Variants in OPCML observed in about 807,000 individuals in gnomAD.
OPCML encodes opioid-binding protein/cell adhesion molecule.
A neutral mutation model predicts 37.8 loss-of-function variants in OPCML; 13 were observed. The observed-to-expected ratio is 0.34, with a 90% confidence interval of 0.22 to 0.55. The LOEUF is 0.55. Among genes scored for constraint, OPCML ranks in the 20% least tolerant of loss-of-function variants. The pLI is 0.91. For synonymous variants in OPCML, 176 were observed against 168.8 expected (o/e 1.04, Z -0.33); for missense variants, 341 against 435.6 (o/e 0.78, Z 1.93).
chr11:132,573,063 T>C (rs562189914), intron 3 of OPCML, among the ~76,000 whole-genome samples: 1 of 152,106 alleles, frequency 6.6e-6, no homozygotes, highest in Non-Finnish European at 1.5e-5. Flanking sequence ...ATTTTTAGTA[T>C]ATACAAACAC....
intron 1 of OPCML, among the ~76,000 whole-genome samples, chr11:133,196,261 TATTAGTGG>T (rs1287570005): frequency 6.6e-6 from 1 of 152,210 alleles, no homozygotes. Context: ...TGCTAGGTGT[TATTAGTGG>T]ATTTCTCAAA....
chr11:132,892,045 A>C (rs1340030937), intron 2 of OPCML, among the ~76,000 whole-genome samples: 1 of 152,228 alleles, frequency 6.6e-6, no homozygotes, highest in Admixed American at 6.5e-5. Context: ...AGTGTTGAAG[A>C]ATACTAAGTC....
intron 1 of OPCML, among the ~76,000 whole-genome samples, chr11:133,002,896 C>T (rs1241025046): frequency 6.6e-6 from 1 of 152,112 alleles, no homozygotes; most frequent in South Asian, 2.1e-4. Context: ...TTCTTAGCAC[C>T]ACTTGACCTC....
intron 4 of OPCML, among the ~76,000 whole-genome samples, chr11:132,448,661 C>A (rs935869092): frequency 1.3e-5 from 2 of 152,218 alleles, no homozygotes; most frequent in Non-Finnish European, 2.9e-5. Context: ...GCTGACTTCT[C>A]ACCAAAGGCA....
intron 1 of OPCML, among the ~76,000 whole-genome samples, chr11:133,170,340 G>T (rs1195740420): frequency 1.3e-5 from 2 of 152,152 alleles, no homozygotes; most frequent in Non-Finnish European, 2.9e-5. Flanking sequence ...CAAAAACTTA[G>T]CCGGATGTGG....
At chr11:133,249,349 G>A (rs1941052009) in intron 1 of OPCML, among the ~76,000 whole-genome samples, 1 of 152,118 alleles carries the variant, frequency 6.6e-6, no homozygotes, top group South Asian at 2.1e-4. Context: ...CAGTTCTGGT[G>A]AGAACTAAAA....
intron 1 of OPCML, among the ~76,000 whole-genome samples, chr11:133,251,311 A>G (rs374621100): frequency 6.6e-6 from 1 of 152,086 alleles, no homozygotes; most frequent in African/African-American, 2.4e-5. Flanking sequence ...AGGACTGGGG[A>G]TAGAGCAGTA....
intron 1 of OPCML, among the ~76,000 whole-genome samples, chr11:133,282,110 G>A (rs889799218): frequency 6.6e-6 from 1 of 152,166 alleles, no homozygotes; most frequent in African/African-American, 2.4e-5. Flanking sequence ...TTGTAGAGAA[G>A]GAATCTAGAC....
intron 1 of OPCML, among the ~76,000 whole-genome samples, chr11:133,252,125 A>G (rs1371381880): frequency 6.6e-6 from 1 of 152,176 alleles, no homozygotes; most frequent in Non-Finnish European, 1.5e-5. Context: ...TTTTAAAATA[A>G]ATTATATTAG....
At position 133,211,930 on chromosome 11, in the gene OPCML, C is replaced by G. The variant is rs1939377454; in HGVS notation, c.62-268920G>C. On this transcript the variant is annotated intron_variant, in intron 1 of 7. Coordinates refer to ENST00000524381, the MANE Select transcript of OPCML (RefSeq NM_001012393.5). The surrounding 1 kb of genome is among the most constrained non-coding windows in gnomAD (Gnocchi z 4.1). Reference sequence around the variant, plus strand: ...GCTTCTAAGACCTGCAGTACAAATACCATAAGTTAGTGTATATACTCAAAC... The same window carrying G: ...GCTTCTAAGACCTGCAGTACAAATAGCATAAGTTAGTGTATATACTCAAAC... Among the ~76,000 whole-genome samples, 1 of 152,154 alleles carries G rather than the reference C, an allele frequency of 6.6e-6. No homozygotes were observed. The highest frequency in any genetic ancestry group is 1.5e-5 in the Non-Finnish European group (1 of 68,034).
rs191357585 is a variant in OPCML, at chr11:133,088,260, C to T, written c.62-145250G>A. 2.0e-3 allele frequency among the ~76,000 whole-genome samples: 311 copies of T among 152,252 alleles called. 6 individuals carry two copies. The highest frequency in any genetic ancestry group is 6.9e-3 in the African/African-American group (286 of 41,550). The stretch of plus-strand genomic sequence containing the variant: ...TGAGACAGAAAACTTCATGGTTTTC[C>T]ATTGACTCTTAAAAGCACGGATTGC... On this transcript the variant is annotated intron_variant, in intron 1 of 7. Transcript: ENST00000524381.
intron 1 of OPCML, among the ~76,000 whole-genome samples, chr11:132,945,473 G>A (rs10894626): frequency 0.41 from 62,932 of 152,088 alleles, 13,529 homozygotes; most frequent in East Asian, 0.64. Flanking sequence ...TGCCGCAGAC[G>A]GAGCTTGCAG....
chr11:132,481,102 G>C (rs1010511930), intron 4 of OPCML, among the ~76,000 whole-genome samples: 1 of 152,090 alleles, frequency 6.6e-6, no homozygotes, highest in Non-Finnish European at 1.5e-5. Context: ...TGGACTAAAT[G>C]CTCCAATTAA....
At chr11:133,408,609 C>T (rs1028619449) in intron 1 of OPCML, among the ~76,000 whole-genome samples, 3 of 152,144 alleles carry the variant, frequency 2.0e-5, no homozygotes, top group Non-Finnish European at 2.9e-5. Context: ...GTCCTGGACA[C>T]GACACCACCC....
Position 132,860,324 on chromosome 11 carries a change from A to G in OPCML, c.146+82602T>C, listed in dbSNP as rs1322202551. 2.6e-5 allele frequency among the ~76,000 whole-genome samples: 4 copies of G among 152,224 alleles called. No individual in the cohort carries two copies. In the East Asian group the frequency reaches 7.7e-4, roughly 29 times the overall value. ...GGCCTGGAGGGCCAGTTTTCATCTCAAAACTTGAGTTATACTATGTGCCCA... is the reference window on the plus strand; with the variant it reads ...GGCCTGGAGGGCCAGTTTTCATCTCGAAACTTGAGTTATACTATGTGCCCA... On this transcript the variant is annotated intron_variant, in intron 2 of 7. Coordinates refer to ENST00000524381, the MANE Select transcript of OPCML (RefSeq NM_001012393.5).
chr11:133,381,376 A>G (rs888391803), intron 1 of OPCML, among the ~76,000 whole-genome samples: 4 of 152,252 alleles, frequency 2.6e-5, no homozygotes, highest in Non-Finnish European at 5.9e-5. Flanking sequence ...GATCAAATAA[A>G]TGTGTGTCAG....
intron 4 of OPCML, among the ~76,000 whole-genome samples, chr11:132,455,244 T>C (rs767405848): frequency 3.9e-5 from 6 of 152,282 alleles, no homozygotes; most frequent in African/African-American, 7.2e-5. Context: ...CACAGTGTAT[T>C]GTACACCCAT....
intron 1 of OPCML, among the ~76,000 whole-genome samples, chr11:133,097,661 C>T (rs1949024351): frequency 6.6e-6 from 1 of 152,064 alleles, no homozygotes; most frequent in Non-Finnish European, 1.5e-5. Flanking sequence ...AACCAACTTA[C>T]TAGTATCAGA....
chr11:133,058,790 C>G (rs532467067), intron 1 of OPCML, among the ~76,000 whole-genome samples: 1 of 152,324 alleles, frequency 6.6e-6, no homozygotes, highest in African/African-American at 2.4e-5. Flanking sequence ...TATACATAAC[C>G]TAAGTATTTT....
Sources: allele counts gnomAD v4.1 joint callset (sites outside exome capture counted in the v4.1 genomes callset), GRCh38; gene constraint gnomAD v4.1.1; non-coding constraint Gnocchi (gnomAD v3.1); transcripts MANE v1.5; gene names NCBI Gene and HGNC (gene_info 2026-07-23, HGNC 2026-07-21).